Variants in HTR1F observed in about 807,000 individuals in gnomAD.
HTR1F encodes 5-hydroxytryptamine (serotonin) receptor 1F, G protein-coupled.
Under a neutral mutation model 24.0 loss-of-function variants are expected in HTR1F, and 17 were observed. That is an observed-to-expected ratio of 0.71 (90% CI 0.48 to 1.06). The LOEUF (loss-of-function observed/expected upper bound fraction) is 1.06, where lower values mean the gene tolerates loss of function less well. Among genes scored for constraint, HTR1F ranks in the 50% least tolerant of loss-of-function variants. The probability of loss-of-function intolerance (pLI) is 0.00; values close to 1 mark genes in which losing one functional copy is unlikely to be tolerated. For synonymous variants in HTR1F, 186 were observed against 156.8 expected, an observed-to-expected ratio of 1.19 and a Z score of -1.39; for missense variants, 391 against 427.8, an observed-to-expected ratio of 0.91 and a Z score of 0.76.
rs1428347296 is a variant in HTR1F at position 87,819,539 on chromosome 3, A to C, written c.-159-2469A>C. ...TTTCTCTCTTGCCTTTTTTTAAAAA[A>C]GGCTTTGGATATCATCATTATGCTA... is the stretch of plus-strand genomic sequence containing the variant. On this transcript the variant is annotated intron_variant, in intron 1 of 2. Transcript: ENST00000319595. Among the ~76,000 whole-genome samples the C allele has an allele frequency of 5.3e-5, 8 of 152,120 alleles. No individual in the cohort carries two copies. The East Asian group carries it at 1.5e-3, about 29-fold the overall frequency.
intron 2 of HTR1F, among the ~76,000 whole-genome samples, chr3:87,928,462 A>G (rs922832449): frequency 6.6e-6 from 1 of 152,176 alleles, no homozygotes; most frequent in Non-Finnish European, 1.5e-5. Context: ...TCACTTGTTC[A>G]TATACTATTT....
intron 2 of HTR1F, among the ~76,000 whole-genome samples, chr3:87,844,972 C>A (rs1704906474): frequency 6.6e-6 from 1 of 151,986 alleles, no homozygotes; most frequent in African/African-American, 2.4e-5. Context: ...AGTGTGATGC[C>A]TCCAGCTTTG....
chr3:87,882,030 C>A (rs1237265464), intron 2 of HTR1F, among the ~76,000 whole-genome samples: 2 of 152,096 alleles, frequency 1.3e-5, no homozygotes, highest in African/African-American at 2.4e-5. Flanking sequence ...ACAAACAACC[C>A]CATCAAAAAG....
At chr3:87,948,259 G>C (rs1704756427) in intron 2 of HTR1F, among the ~76,000 whole-genome samples, 1 of 152,044 alleles carries the variant, frequency 6.6e-6, no homozygotes, top group South Asian at 2.1e-4. Context: ...AATAACTTCT[G>C]TGAACTAAAT....
chr3:87,923,264 T>C (rs1369397379), intron 2 of HTR1F, among the ~76,000 whole-genome samples: 2 of 152,014 alleles, frequency 1.3e-5, no homozygotes, highest in Non-Finnish European at 2.9e-5. Context: ...GTGGTTTCCA[T>C]ATGAATTTTA....
At chr3:87,951,359 C>T (rs879769708) in intron 2 of HTR1F, among the ~76,000 whole-genome samples, 9 of 152,074 alleles carry the variant, frequency 5.9e-5, no homozygotes, top group Non-Finnish European at 1.3e-4. Context: ...TCTTAGCAAT[C>T]CTATGAGGTC....
intron 2 of HTR1F, among the ~76,000 whole-genome samples, chr3:87,866,837 T>C (rs1559611528): frequency 6.6e-5 from 10 of 150,432 alleles, no homozygotes; most frequent in African/African-American, 2.5e-4. Flanking sequence ...TGTGTGTGTG[T>C]GTGTGTGTGC....
At chr3:87,930,212 G>C (rs1403770372) in intron 2 of HTR1F, among the ~76,000 whole-genome samples, 1 of 152,102 alleles carries the variant, frequency 6.6e-6, no homozygotes, top group African/African-American at 2.4e-5. Flanking sequence ...TCTAGATATA[G>C]AATAGTGTCA....
At chr3:87,854,108 T>C (rs1425287000) in intron 2 of HTR1F, among the ~76,000 whole-genome samples, 1 of 152,014 alleles carries the variant, frequency 6.6e-6, no homozygotes, top group Non-Finnish European at 1.5e-5. Context: ...TGTTCGTTTC[T>C]TCTTATGTTC....
intron 2 of HTR1F, among the ~76,000 whole-genome samples, chr3:87,829,005 A>G (rs1186513542): frequency 6.6e-6 from 1 of 151,842 alleles, no homozygotes. Context: ...AGGGTGGACA[A>G]GTAATTTTTA....
chr3:87,862,617 G>T lies in HTR1F; in HGVS notation c.-43+40493G>T, dbSNP rs142192538. On this transcript the variant is annotated intron_variant, in intron 2 of 2. Transcript: ENST00000319595. ...CACACAAATTTACTCCATTAGACAC[G>T]TGTCTTTTCCATGGATCTTTTCTAG... Among the ~76,000 whole-genome samples, 31 of 152,220 alleles carry T rather than the reference G, an allele frequency of 2.0e-4. 2 individuals are homozygous for T. The highest frequency in any genetic ancestry group is 6.5e-4 in the African/African-American group (27 of 41,550).
At chr3:87,939,491 T>G (rs1704508169) in intron 2 of HTR1F, among the ~76,000 whole-genome samples, 1 of 152,168 alleles carries the variant, frequency 6.6e-6, no homozygotes, top group African/African-American at 2.4e-5. Context: ...CAGCTGTAAA[T>G]CCATCTGGTC....
intron 2 of HTR1F, among the ~76,000 whole-genome samples, chr3:87,866,737 C>T (rs1197639958): frequency 6.6e-6 from 1 of 151,746 alleles, no homozygotes; most frequent in Non-Finnish European, 1.5e-5. Context: ...TACAGTTTCT[C>T]TTAACGTAGT....
chr3:87,929,788 T>C (rs1205752397), intron 2 of HTR1F, among the ~76,000 whole-genome samples: 2 of 152,182 alleles, frequency 1.3e-5, no homozygotes, highest in Non-Finnish European at 2.9e-5. Flanking sequence ...TTTGGGCTCT[T>C]TTTGGGCTCC....
chr3:87,991,248 A>G lies in HTR1F; in HGVS notation c.499A>G (p.Ser167Gly), dbSNP rs893374354. The G allele has an allele frequency of 1.9e-6, 3 of 1,614,024 alleles. No individual in the cohort carries two copies. The African/African-American group carries it at 4.0e-5, about 22-fold the overall frequency. ...TCTATTCTGGAGGCACCAAGGAACT[A>G]GCAGAGATGATGAATGCATCATCAA... ...PPLFWRHQGT[S>G]RDDECIIKHD... The change falls in exon 3 of 3, where the codon AGC becomes GGC. Residue 167 changes from serine to glycine, a missense_variant. Physicochemically the swap from Ser to Gly is moderately conservative, Grantham distance 56. Coordinates refer to ENST00000319595, the MANE Select transcript of HTR1F (RefSeq NM_001322209.2).
At chr3:87,898,331 A>T (rs1706247798) in intron 2 of HTR1F, among the ~76,000 whole-genome samples, 1 of 152,146 alleles carries the variant, frequency 6.6e-6, no homozygotes, top group South Asian at 2.1e-4. Context: ...ACAGATACAG[A>T]AAATAAGGCC....
At chr3:87,938,313 T>C (rs563384512) in intron 2 of HTR1F, among the ~76,000 whole-genome samples, 1 of 152,240 alleles carries the variant, frequency 6.6e-6, no homozygotes, top group Admixed American at 6.5e-5. Context: ...GGAAAAACAT[T>C]CCACGCTCAT....
intron 2 of HTR1F, among the ~76,000 whole-genome samples, chr3:87,981,709 T>C (rs1705548164): frequency 6.6e-6 from 1 of 152,224 alleles, no homozygotes; most frequent in African/African-American, 2.4e-5. Context: ...ACTGAGTCTG[T>C]ACATGTGTAT....
intron 2 of HTR1F, among the ~76,000 whole-genome samples, chr3:87,951,497 T>A (rs1560451): frequency 0.27 from 40,400 of 150,204 alleles, 5,810 homozygotes; most frequent in African/African-American, 0.39. Context: ...TTTAATAGAC[T>A]TTATTTTTAG....
Sources: allele counts gnomAD v4.1 joint callset (sites outside exome capture counted in the v4.1 genomes callset), GRCh38; gene constraint gnomAD v4.1.1; transcripts MANE v1.5; gene names NCBI Gene and HGNC (gene_info 2026-07-23, HGNC 2026-07-21).